Variants in GABRA5 observed in about 807,000 individuals in gnomAD.
The protein encoded by GABRA5 is gamma-aminobutyric acid type A receptor subunit alpha5, also known as gamma-aminobutyric acid receptor subunit alpha-5.
GABRA5 carries 18 observed loss-of-function variants against 47.3 expected under a neutral mutation model. The observed-to-expected ratio is 0.38, with a 90% CI of 0.26 to 0.56. The LOEUF is 0.56. Ranked by LOEUF, GABRA5 falls within the 20% of genes least tolerant of loss-of-function variation. GABRA5 has a pLI of 0.71. For synonymous variants in GABRA5, 237 were observed against 229.3 expected, an observed-to-expected ratio of 1.03 and a Z score of -0.30; for missense variants, 365 against 599.3, an observed-to-expected ratio of 0.61 and a Z score of 4.08.
chr15:26,919,036 G>C (rs369974411), intron 7 of GABRA5, among the ~76,000 whole-genome samples: 1 of 152,224 alleles, frequency 6.6e-6, no homozygotes, highest in South Asian at 2.1e-4. Context: ...ACAGCTATTT[G>C]GGAGGATGAG....
chr15:26,888,300 C>T (rs1892927481), intron 6 of GABRA5, among the ~76,000 whole-genome samples: 1 of 152,202 alleles, frequency 6.6e-6, no homozygotes, highest in East Asian at 1.9e-4. Context: ...CAAGAGGCTG[C>T]CTATAAAGTA....
intron 6 of GABRA5, among the ~76,000 whole-genome samples, chr15:26,885,452 C>G (rs1350478245): frequency 6.6e-6 from 1 of 152,176 alleles, no homozygotes; most frequent in Non-Finnish European, 1.5e-5. Context: ...GGTGGCTTCT[C>G]TCACATTTGT....
intron 7 of GABRA5, among the ~76,000 whole-genome samples, chr15:26,925,040 T>G (rs1893927881): frequency 6.6e-6 from 1 of 151,984 alleles, no homozygotes; most frequent in South Asian, 2.1e-4. Flanking sequence ...TGATATTTAT[T>G]TTTAGTGGGA....
intron 7 of GABRA5, among the ~76,000 whole-genome samples, chr15:26,920,380 A>G (rs369037651): frequency 6.6e-6 from 1 of 151,838 alleles, no homozygotes; most frequent in South Asian, 2.1e-4. Flanking sequence ...TACTTGATCT[A>G]GTCTGCTGTT....
intron 10 of GABRA5, among the ~76,000 whole-genome samples, chr15:26,943,731 C>T (rs960856922): frequency 1.3e-5 from 2 of 152,164 alleles, no homozygotes; most frequent in African/African-American, 4.8e-5. Context: ...TTCTTACGCT[C>T]ATTTTATCTC....
chr15:26,943,183 G>GT, intron 9 of GABRA5, 32 bp from the exon 10 acceptor site: 1 of 1,528,574 alleles, frequency 6.5e-7, no homozygotes, highest in Middle Eastern at 1.9e-4. Flanking sequence ...CCCTGTTTCC[G>GT]TTTTTCACTC....
intron 7 of GABRA5, among the ~76,000 whole-genome samples, chr15:26,933,946 G>C (rs1894168860): frequency 6.6e-6 from 1 of 152,124 alleles, no homozygotes; most frequent in Non-Finnish European, 1.5e-5. Context: ...GTGTCATTGG[G>C]GTGCTGTGAC....
rs1480578963 is a variant in GABRA5, at chr15:26,948,228, A to G, written c.1384A>G (p.Lys462Glu). The G allele has an allele frequency of 4.3e-6, 7 of 1,610,704 alleles. No homozygotes were observed. Among genetic ancestry groups the G allele is most frequent in the South Asian group, 2.2e-5 (2 of 90,590 alleles). Residue 462 changes from lysine to glutamate, a missense_variant, in exon 11 of 11, where the codon AAA becomes GAA. Coordinates refer to ENST00000335625, the MANE Select transcript of GABRA5 (RefSeq NM_000810.4). ...EPVIKGAASP[K>E] ...GGTGATAAAAGGAGCCGCCTCTCCA[A>G]AATAACCGGCCACACTCCCAAACTC...
Position 26,943,300 on chromosome 15 carries a change from C to T in GABRA5, c.963C>T (p.Asp321=), listed in dbSNP as rs1406921146. 1.9e-6 allele frequency: 3 copies of T among 1,582,388 alleles called. No individual in the cohort carries two copies. Among genetic ancestry groups the T allele is most frequent in the Non-Finnish European group, 8.6e-7 (1 of 1,164,400 alleles). ...AAGTGGCCTACGCCACCGCCATGGA[C>T]TGGTTCATAGCCGTGTGCTATGCCT... ...LPKVAYATAM[D]WFIAVCYAFV... Residue 321 remains aspartate (D), a synonymous_variant, in exon 10 of 11, where the codon GAC becomes GAT. Transcript: ENST00000335625.
At chr15:26,909,434 A>G (rs1017089158) in intron 6 of GABRA5, among the ~76,000 whole-genome samples, 1 of 152,160 alleles carries the variant, frequency 6.6e-6, no homozygotes, top group Non-Finnish European at 1.5e-5. Flanking sequence ...GGAGACCACC[A>G]TTTTGTCATA....
chr15:26,870,255 G>T (rs369357778), intron 3 of GABRA5, among the ~76,000 whole-genome samples: 94 of 152,298 alleles, frequency 6.2e-4, no homozygotes, highest in African/African-American at 2.2e-3. Flanking sequence ...CATCTGGGGG[G>T]AAAGAAGACA....
chr15:26,941,827 A>G (rs74248635), intron 9 of GABRA5, among the ~76,000 whole-genome samples: 4,269 of 152,200 alleles, frequency 0.028, 273 homozygotes, highest in East Asian at 0.28. Context: ...GTCTGTCTCC[A>G]AGGTTCCCCA....
At chr15:26,927,184 A>C (rs1595428151) in intron 7 of GABRA5, among the ~76,000 whole-genome samples, 1 of 150,942 alleles carries the variant, frequency 6.6e-6, no homozygotes, top group Non-Finnish European at 1.5e-5. Flanking sequence ...GCTCGCTGCA[A>C]CCTCCCCCTC....
At chr15:26,930,268 A>G (rs569585621) in intron 7 of GABRA5, among the ~76,000 whole-genome samples, 88 of 152,118 alleles carry the variant, frequency 5.8e-4, no homozygotes, top group Admixed American at 1.6e-3. Flanking sequence ...TCAGCCTCCC[A>G]AAGTGCTGGG....
intron 8 of GABRA5, chr15:26,939,183 T>G (rs1436709713): frequency 6.6e-6 from 5 of 756,798 alleles, no homozygotes; most frequent in South Asian, 2.7e-5. Context: ...GCAAGAAGAC[T>G]GGCCCAGCGG....
At chr15:26,945,407 G>C (rs1451535202) in intron 10 of GABRA5, among the ~76,000 whole-genome samples, 1 of 152,238 alleles carries the variant, frequency 6.6e-6, no homozygotes, top group Non-Finnish European at 1.5e-5. Flanking sequence ...CTGGGTCAGA[G>C]TTTGGGGTGT....
chr15:26,873,388 C>G (rs1892518159), intron 3 of GABRA5, among the ~76,000 whole-genome samples: 1 of 138,912 alleles, frequency 7.2e-6, no homozygotes, highest in Admixed American at 7.1e-5. Flanking sequence ...TGGAGGTTTA[C>G]TGATTGATAA....
At chr15:26,914,974 C>A in intron 7 of GABRA5, 89 bp downstream of exon 7, 3 of 990,772 alleles carry the variant, frequency 3.0e-6, no homozygotes, top group Non-Finnish European at 4.8e-6. Flanking sequence ...TCTGCATATA[C>A]ATAAGCACAA....
chr15:26,910,938 A>G (rs1046036684), intron 6 of GABRA5, among the ~76,000 whole-genome samples: 9 of 152,190 alleles, frequency 5.9e-5, no homozygotes, highest in African/African-American at 1.9e-4. Context: ...TCCACATCAA[A>G]GCATTCCACA....
Sources: gnomAD v4.1 joint callset for allele counts (sites outside exome capture counted in the v4.1 genomes callset) on GRCh38, gnomAD v4.1.1 for gene constraint, MANE v1.5 for transcripts, NCBI Gene and HGNC (gene_info 2026-07-23, HGNC 2026-07-21) for gene names.